ANKIB1: variants seen among roughly 807,000 people sequenced by gnomAD.
The protein encoded by ANKIB1 is ankyrin repeat and IBR domain containing 1.
A neutral mutation model predicts 122.1 loss-of-function variants in ANKIB1; 43 were observed. The ratio of observed to expected loss-of-function variants is 0.35; its 90% CI spans 0.28 to 0.45. The LOEUF is 0.45. Among genes scored for constraint, ANKIB1 ranks in the 20% least tolerant of loss-of-function variants. The probability of loss-of-function intolerance (pLI) is 1.00; values close to 1 mark genes in which losing one functional copy is unlikely to be tolerated. For missense variants in ANKIB1, 992 were observed against 1,329.5 expected (o/e 0.75, Z 3.95); for synonymous variants, 390 against 442.0 (o/e 0.88, Z 1.48).
intron 11 of ANKIB1, among the ~76,000 whole-genome samples, chr7:92,380,686 C>T (rs1804493243): frequency 6.6e-6 from 1 of 152,254 alleles, no homozygotes. Context: ...GGAAAACTAA[C>T]AAGCAGAAAG....
intron 5 of ANKIB1, among the ~76,000 whole-genome samples, chr7:92,333,514 CCT>C (rs1562784788): frequency 1.3e-5 from 2 of 152,148 alleles, no homozygotes; most frequent in African/African-American, 2.4e-5. Flanking sequence ...CTAGGGATGC[CCT>C]CTCTGACCTC....
intron 11 of ANKIB1, among the ~76,000 whole-genome samples, chr7:92,380,508 A>G (rs1461243075): frequency 2.0e-5 from 3 of 152,176 alleles, no homozygotes; most frequent in South Asian, 2.1e-4. Context: ...TCATACAGCC[A>G]GGTGCCCCTC....
At chr7:92,391,458 T>G in intron 16 of ANKIB1, 114 bp downstream of exon 16, 1 of 936,722 alleles carries the variant, frequency 1.1e-6, no homozygotes, top group Non-Finnish European at 1.5e-6. Context: ...ACCTAAAATA[T>G]GGATAGCTCA....
In ANKIB1 at chr7:92,299,804, A is replaced by C. The variant is rs570801939; in HGVS notation, c.188+4638A>C. On this transcript the variant is annotated intron_variant, in intron 2 of 19. Transcript: ENST00000265742. ...TAAACAAAAACTCTTAGGAACCTAC[A>C]GTAATTTTGTTTTTTTTTCTGAGAC... 2.6e-5 allele frequency among the ~76,000 whole-genome samples: 4 copies of C among 151,724 alleles called. No homozygotes were observed. In the East Asian group the frequency reaches 7.7e-4, roughly 29 times the overall value.
At chr7:92,304,203 TGAGAG>T (rs1303439581) in intron 2 of ANKIB1, among the ~76,000 whole-genome samples, 1 of 152,100 alleles carries the variant, frequency 6.6e-6, no homozygotes, top group Non-Finnish European at 1.5e-5. Flanking sequence ...TTTAAACAGA[TGAGAG>T]GAATCAATAA....
chr7:92,267,250 A>C (rs1252700513), intron 1 of ANKIB1, among the ~76,000 whole-genome samples: 5 of 152,216 alleles, frequency 3.3e-5, no homozygotes, highest in African/African-American at 1.2e-4. Flanking sequence ...ATATACATAC[A>C]TACATAAAAA....
intron 10 of ANKIB1, among the ~76,000 whole-genome samples, chr7:92,369,622 G>A (rs974243505): frequency 5.3e-5 from 8 of 152,108 alleles, no homozygotes; most frequent in Admixed American, 4.6e-4. Flanking sequence ...CAAGGGGTCT[G>A]ATTTCTCTCC....
Position 92,329,234 on chromosome 7 carries a change from G to A in ANKIB1, c.787+1334G>A, listed in dbSNP as rs868118722. ...CACCCCCTCGCCCTCCCAGAGTGCT[G>A]GGATTACAGGCGTGAGTCACCGCAC... On this transcript the variant is annotated intron_variant, in intron 5 of 19. Coordinates refer to ENST00000265742, the MANE Select transcript of ANKIB1 (RefSeq NM_019004.2). Among the ~76,000 whole-genome samples, 9 of 152,180 alleles carry A rather than the reference G, an allele frequency of 5.9e-5. No homozygotes were observed. In the South Asian group the frequency reaches 1.9e-3, roughly 32 times the overall value.
intron 3 of ANKIB1, 149 bp from the exon 4 acceptor site, chr7:92,319,181 C>CG: frequency 4.7e-6 from 2 of 421,066 alleles, no homozygotes; most frequent in Admixed American, 4.4e-5. Context: ...TATCTAAATA[C>CG]CTTTTTTTTT....
rs780791692 is a variant in ANKIB1, at chr7:92,343,112, A to T, written c.876A>T (p.Pro292=). The change falls in exon 6 of 20, where the codon CCA becomes CCT. Residue 292 remains proline (P), a synonymous_variant. Coordinates refer to ENST00000265742, the MANE Select transcript of ANKIB1 (RefSeq NM_019004.2). ...CAGGTGTTCAAATGCCAACTCCACC[A>T]CCAAGTGGGTATAATGCCTGGGACA... ...QRSGVQMPTP[P]PSGYNAWDTL... is the part of the protein sequence containing the mutation. 3 of 1,613,820 alleles carry T rather than the reference A, an allele frequency of 1.9e-6. No homozygotes were observed. The East Asian group carries it at 6.7e-5, about 36-fold the overall frequency.
At chr7:92,275,441 CG>C (rs2131896370) in intron 1 of ANKIB1, among the ~76,000 whole-genome samples, 1 of 152,182 alleles carries the variant, frequency 6.6e-6, no homozygotes, top group East Asian at 1.9e-4. Flanking sequence ...CAACTCAGGA[CG>C]GTATTTGAAA....
rs958380235 is a variant in ANKIB1 at position 92,401,027 on chromosome 7, G to A, written c.*2078G>A. ...GAAGACAGTGTACACAATGGGTTCC[G>A]GTTTCCTTGCACCTTGTGCAGTATC... On this transcript the variant is annotated 3_prime_UTR_variant, in exon 20 of 20. Transcript: ENST00000265742. 5.9e-5 allele frequency: 9 copies of A among 152,146 alleles called. No individual in the cohort carries two copies. The highest frequency in any genetic ancestry group is 4.1e-4 in the South Asian group (2 of 4,828). 9.4% of individuals were successfully genotyped at this position (152,146 alleles called of 1,614,324 possible).
chr7:92,269,188 G>C (rs1334079361), intron 1 of ANKIB1, among the ~76,000 whole-genome samples: 1 of 152,120 alleles, frequency 6.6e-6, no homozygotes, highest in Non-Finnish European at 1.5e-5. Context: ...CTGTTTCTTA[G>C]ATTGAATCAG....
At chr7:92,312,888 T>G (rs1436501295) in intron 3 of ANKIB1, among the ~76,000 whole-genome samples, 1 of 152,062 alleles carries the variant, frequency 6.6e-6, no homozygotes, top group African/African-American at 2.4e-5. Flanking sequence ...TACTGAGAGT[T>G]TTTGTTTTCT....
At chr7:92,352,773 TAAG>T in intron 9 of ANKIB1, 131 bp downstream of exon 9, 2 of 934,886 alleles carry the variant, frequency 2.1e-6, no homozygotes, top group East Asian at 5.2e-5. Flanking sequence ...AAGAAATGTG[TAAG>T]AAGTAGTAAT....
At chr7:92,253,310 A>T (rs1188352658) in intron 1 of ANKIB1, among the ~76,000 whole-genome samples, 1 of 152,098 alleles carries the variant, frequency 6.6e-6, no homozygotes, top group Middle Eastern at 3.2e-3. Context: ...TCTCCCTGCC[A>T]TGTAGACCAT....
At chr7:92,308,106 G>A (rs556303753) in intron 3 of ANKIB1, among the ~76,000 whole-genome samples, 6 of 151,948 alleles carry the variant, frequency 3.9e-5, no homozygotes, top group East Asian at 1.9e-4. Context: ...TCTTGACCTC[G>A]TGATCCACCC....
chr7:92,385,304 A>G (rs566779532), intron 11 of ANKIB1, among the ~76,000 whole-genome samples: 34 of 152,378 alleles, frequency 2.2e-4, no homozygotes, highest in African/African-American at 8.2e-4. Context: ...TAGTTCAACC[A>G]TTATGGAAGA....
intron 1 of ANKIB1, among the ~76,000 whole-genome samples, chr7:92,280,996 C>T (rs1285789309): frequency 6.6e-6 from 1 of 152,136 alleles, no homozygotes; most frequent in African/African-American, 2.4e-5. Flanking sequence ...ACTCACAGGA[C>T]TCAGCGTGTA....
Sources: allele counts gnomAD v4.1 joint callset (sites outside exome capture counted in the v4.1 genomes callset), GRCh38; gene constraint gnomAD v4.1.1; transcripts MANE v1.5; gene names NCBI Gene and HGNC (gene_info 2026-07-23, HGNC 2026-07-21).